DLGAP2: variants seen among roughly 807,000 people sequenced by gnomAD.
The protein encoded by DLGAP2 is disks large-associated protein 2.
Under a neutral mutation model 100.3 loss-of-function variants are expected in DLGAP2, and 26 were observed. The observed-to-expected ratio is 0.26, with a 90% CI of 0.19 to 0.36. The LOEUF is 0.36. Ranked by LOEUF, DLGAP2 falls within the 10% of genes least tolerant of loss-of-function variation. The pLI is 1.00. For synonymous variants in DLGAP2, 886 were observed against 630.1 expected, an observed-to-expected ratio of 1.41 and a Z score of -6.08; for missense variants, 1,858 against 1,453.2, an observed-to-expected ratio of 1.28 and a Z score of -4.53.
rs1797703706 is a variant in DLGAP2, at chr8:1,194,290, A to G, written c.74-64561A>G. ...GCGATTTTGAGAGTGAACCTGCAAG[A>G]GACAAGCAGACGTTGGCAGTGCCGC... On this transcript the variant is annotated intron_variant, in intron 2 of 14. Coordinates refer to ENST00000637795, the MANE Select transcript of DLGAP2 (RefSeq NM_001346810.2). 1.3e-5 allele frequency among the ~76,000 whole-genome samples: 2 copies of G among 152,080 alleles called. 1 individual carries two copies. The highest frequency in any genetic ancestry group is 1.3e-4 in the Admixed American group (2 of 15,266).
chr8:1,685,380 A>G (rs943125215), intron 12 of DLGAP2, among the ~76,000 whole-genome samples: 1 of 152,234 alleles, frequency 6.6e-6, no homozygotes, highest in Non-Finnish European at 1.5e-5. Context: ...ATGCCTGTGC[A>G]CATATTGGCA....
intron 6 of DLGAP2, among the ~76,000 whole-genome samples, chr8:1,595,667 C>G (rs1268506608): frequency 1.0e-5 from 1 of 97,910 alleles, no homozygotes; most frequent in Non-Finnish European, 2.1e-5. Context: ...GAGCGAGACT[C>G]CGTCTCAAAA....
At chr8:749,583 G>A (rs1179544029) in intron 1 of DLGAP2, among the ~76,000 whole-genome samples, 1 of 151,944 alleles carries the variant, frequency 6.6e-6, no homozygotes, top group Non-Finnish European at 1.5e-5. Flanking sequence ...TTCCCCTATT[G>A]TTTGACATTT....
intron 1 of DLGAP2, among the ~76,000 whole-genome samples, chr8:769,857 A>G (rs1821312546): frequency 6.6e-6 from 1 of 152,190 alleles, no homozygotes. Context: ...CATGTTACGG[A>G]AAACATGAAA....
chr8:1,000,213 C>A (rs1271419976), intron 2 of DLGAP2, among the ~76,000 whole-genome samples: 4 of 150,638 alleles, frequency 2.7e-5, no homozygotes. Flanking sequence ...TGGATTTTCT[C>A]TAGAGCGGAC....
At chr8:1,580,592 C>T (rs550282641) in intron 6 of DLGAP2, among the ~76,000 whole-genome samples, 2 of 152,300 alleles carry the variant, frequency 1.3e-5, no homozygotes, top group Admixed American at 6.5e-5. Context: ...GAGTTTCTAA[C>T]ATTAGAAAGA....
chr8:1,313,052 G>C (rs563595864), intron 3 of DLGAP2, among the ~76,000 whole-genome samples: 91 of 152,344 alleles, frequency 6.0e-4, no homozygotes, highest in African/African-American at 2.1e-3. Context: ...GTGCCTGCCG[G>C]CCACTGTCTG....
intron 6 of DLGAP2, among the ~76,000 whole-genome samples, chr8:1,600,897 C>T (rs1022585953): frequency 6.6e-6 from 1 of 152,134 alleles, no homozygotes; most frequent in Non-Finnish European, 1.5e-5. Flanking sequence ...ATTCTCTGTC[C>T]GGTTCTGTTC....
chr8:1,173,730 G>T (rs1050474961), intron 2 of DLGAP2, among the ~76,000 whole-genome samples: 3 of 152,002 alleles, frequency 2.0e-5, no homozygotes, highest in South Asian at 2.1e-4. Context: ...TAAGCCCATC[G>T]GAAAAAGCAC....
intron 6 of DLGAP2, among the ~76,000 whole-genome samples, chr8:1,596,856 T>A (rs1207036546): frequency 1.3e-5 from 2 of 152,230 alleles, no homozygotes; most frequent in Middle Eastern, 3.4e-3. Context: ...TGTGCAGAAG[T>A]TATTTACTTT....
At chr8:1,080,265 G>A (rs558948278) in intron 2 of DLGAP2, among the ~76,000 whole-genome samples, 2 of 152,304 alleles carry the variant, frequency 1.3e-5, no homozygotes, top group East Asian at 1.9e-4. Flanking sequence ...GGTGTGATGC[G>A]GGCGCCACCC....
chr8:1,097,626 C>G (rs1315335484), intron 2 of DLGAP2, among the ~76,000 whole-genome samples: 2 of 140,678 alleles, frequency 1.4e-5, no homozygotes, highest in Non-Finnish European at 3.1e-5. Context: ...AGACCCAGCT[C>G]CCTCTGCTCA....
chr8:1,352,098 C>T lies in DLGAP2; in HGVS notation c.106+93215C>T, dbSNP rs6988567. 2.7e-4 allele frequency among the ~76,000 whole-genome samples: 20 copies of T among 73,118 alleles called. 2 individuals carry two copies. Among genetic ancestry groups the T allele is most frequent in the African/African-American group, 4.3e-4 (10 of 23,400 alleles). 48.0% of individuals were successfully genotyped at this position (73,118 alleles called of 152,430 possible). The stretch of plus-strand genomic sequence containing the variant: ...GGGTCCTGACTGTGTGTGGAAAGGC[C>T]GTGCGGGTCCTGAGTGTGTGTGGAA... On this transcript the variant is annotated intron_variant, in intron 3 of 14. Transcript: ENST00000637795.
At chr8:810,066 T>C (rs1796344000) in intron 1 of DLGAP2, among the ~76,000 whole-genome samples, 1 of 152,204 alleles carries the variant, frequency 6.6e-6, no homozygotes, top group African/African-American at 2.4e-5. Flanking sequence ...ACTGGGGGTG[T>C]GAGCTTGCTC....
intron 3 of DLGAP2, among the ~76,000 whole-genome samples, chr8:1,456,510 A>G (rs894604728): frequency 6.6e-6 from 1 of 152,222 alleles, no homozygotes; most frequent in African/African-American, 2.4e-5. Flanking sequence ...AAGGATTGTG[A>G]TAATGTGGTC....
chr8:1,685,084 C>T (rs1410342113), intron 12 of DLGAP2, among the ~76,000 whole-genome samples: 7 of 151,710 alleles, frequency 4.6e-5, no homozygotes, highest in African/African-American at 1.5e-4. Context: ...ACACAAGAGC[C>T]GGGGTCAGAT....
chr8:1,549,816 A>G, intron 5 of DLGAP2, 133 bp downstream of exon 5: 3 of 1,046,046 alleles, frequency 2.9e-6, no homozygotes, highest in Middle Eastern at 3.2e-4. Flanking sequence ...AGCTACGGAT[A>G]TGTTCTGGGA....
intron 2 of DLGAP2, among the ~76,000 whole-genome samples, chr8:1,248,997 G>A (rs1345112864): frequency 1.3e-5 from 2 of 152,140 alleles, no homozygotes; most frequent in African/African-American, 4.8e-5. Context: ...GCAGGACCCC[G>A]GGGACATCCC....
intron 1 of DLGAP2, among the ~76,000 whole-genome samples, chr8:862,764 C>A (rs574999945): frequency 6.6e-6 from 1 of 152,290 alleles, no homozygotes; most frequent in African/African-American, 2.4e-5. Context: ...GAACTTGAAG[C>A]CTCAGCTTTC....
Sources: allele counts gnomAD v4.1 joint callset (sites outside exome capture counted in the v4.1 genomes callset), GRCh38; gene constraint gnomAD v4.1.1; transcripts MANE v1.5; gene names NCBI Gene and HGNC (gene_info 2026-07-23, HGNC 2026-07-21).